Variants in ARHGEF10 observed in about 807,000 individuals in gnomAD.
ARHGEF10 encodes the protein Rho guanine nucleotide exchange factor (GEF) 10.
In ARHGEF10, 140 loss-of-function variants were observed where a neutral mutation model predicts 147.4. The observed-to-expected ratio is 0.95, with a 90% confidence interval of 0.83 to 1.09. The LOEUF is 1.09. Ranked by LOEUF, ARHGEF10 falls within the 50% of genes least tolerant of loss-of-function variation. ARHGEF10 has a pLI of 0.00. For missense variants in ARHGEF10, 2,222 were observed against 1,752.7 expected (o/e 1.27, Z -4.78); for synonymous variants, 902 against 695.8 (o/e 1.30, Z -4.67).
chr8:1,866,642 G>T, intron 6 of ARHGEF10, 40 bp downstream of exon 6: 1 of 1,583,500 alleles, frequency 6.3e-7, no homozygotes. Flanking sequence ...TCCTCACCAC[G>T]CTCCACAGAC....
intron 1 of ARHGEF10, among the ~76,000 whole-genome samples, chr8:1,828,301 G>T (rs1802887789): frequency 1.3e-5 from 2 of 152,274 alleles, no homozygotes; most frequent in Admixed American, 1.3e-4. Flanking sequence ...TGTTGTGGAA[G>T]AGCAGTGCCT....
At chr8:1,872,814 C>T (rs1157238065) in intron 7 of ARHGEF10, among the ~76,000 whole-genome samples, 1 of 152,174 alleles carries the variant, frequency 6.6e-6, no homozygotes, top group Non-Finnish European at 1.5e-5. Context: ...TGGGCAGTTA[C>T]ATACCGAATA....
intron 5 of ARHGEF10, 50 bp from the exon 6 acceptor site, chr8:1,866,476 G>A (rs751800611): frequency 6.4e-7 from 1 of 1,570,114 alleles, no homozygotes; most frequent in Non-Finnish European, 8.8e-7. Context: ...GCATCCTAGT[G>A]ACTTGGGCTG....
At chr8:1,861,419 G>C (rs1235215013) in intron 4 of ARHGEF10, among the ~76,000 whole-genome samples, 1 of 152,226 alleles carries the variant, frequency 6.6e-6, no homozygotes, top group African/African-American at 2.4e-5. Context: ...TCTGTCTTCA[G>C]GAGCGACCCA....
rs1198618915 is a variant in ARHGEF10 at position 1,878,465 on chromosome 8, A to T, written c.844-1583A>T. Among the ~76,000 whole-genome samples, 3 of 152,196 alleles carry T rather than the reference A, an allele frequency of 2.0e-5. No individual in the cohort carries two copies. In the East Asian group the frequency reaches 5.8e-4, roughly 29 times the overall value. Reference sequence around the variant, plus strand: ...CCTCCAAAGTGCTGGGATTACAGGCATGAGCCACTGCACCCGGCCTGCAAT... The same window carrying T: ...CCTCCAAAGTGCTGGGATTACAGGCTTGAGCCACTGCACCCGGCCTGCAAT... On this transcript the variant is annotated intron_variant, in intron 8 of 28. Transcript: ENST00000349830.
At chr8:1,898,569 G>T (rs773080253) in intron 15 of ARHGEF10, 44 bp downstream of exon 15, 15 of 1,577,008 alleles carry the variant, frequency 9.5e-6, no homozygotes, top group Non-Finnish European at 1.3e-5. Context: ...CCTCTGGCTC[G>T]CCCATGACTC....
chr8:1,943,025 C>T (rs1814236537), intron 26 of ARHGEF10, among the ~76,000 whole-genome samples: 1 of 152,158 alleles, frequency 6.6e-6, no homozygotes, highest in African/African-American at 2.4e-5. Flanking sequence ...GAATTGCGCC[C>T]TATAGAAGGG....
In ARHGEF10 at chr8:1,909,435, C is replaced by T. The variant is rs752509122; in HGVS notation, c.2108C>T (p.Pro703Leu). ...AGCAGGCACCTTGCCGTTCACCCGCCGGAGAGCCTGGCCGTGGTTGCTAAC... is the reference window on the plus strand; with the variant it reads ...AGCAGGCACCTTGCCGTTCACCCGCTGGAGAGCCTGGCCGTGGTTGCTAAC... Reference protein sequence around the residue: ...EHSRHLAVHPPESLAVVANAK... With the variant: ...EHSRHLAVHPLESLAVVANAK... Residue 703 changes from proline (P) to leucine (L), a missense_variant, in exon 18 of 29, where the codon CCG becomes CTG. Coordinates refer to ENST00000349830, the MANE Select transcript of ARHGEF10 (RefSeq NM_014629.4). 3.8e-5 allele frequency: 62 copies of T among 1,613,988 alleles called. No homozygotes were observed. The highest frequency in any genetic ancestry group is 1.0e-4 in the Admixed American group (6 of 60,002).
intron 13 of ARHGEF10, among the ~76,000 whole-genome samples, chr8:1,895,475 T>C (rs558771103): frequency 1.8e-4 from 27 of 152,210 alleles, no homozygotes; most frequent in Non-Finnish European, 3.4e-4. Context: ...TGAATAAATA[T>C]GGAAACAAAA....
intron 25 of ARHGEF10, 86 bp downstream of exon 25, chr8:1,929,529 C>T (rs1812948772): frequency 2.0e-6 from 3 of 1,478,424 alleles, no homozygotes; most frequent in Middle Eastern, 2.6e-4. Flanking sequence ...CACCTCCCCA[C>T]CGGCCTCCTG....
chr8:1,927,692 A>G (rs1563297481), intron 23 of ARHGEF10, among the ~76,000 whole-genome samples: 1 of 152,174 alleles, frequency 6.6e-6, no homozygotes, highest in Non-Finnish European at 1.5e-5. Context: ...AGGCGGGTGG[A>G]TCACAAGGTC....
Position 1,874,424 on chromosome 8 carries a change from C to T in ARHGEF10, c.680-2147C>T, listed in dbSNP as rs145754872. ...GTGCGGAATACAGAAAATGCAGCTC[C>T]AGCTCTCAAAGGGCTGAAAATCTAA... On this transcript the variant is annotated intron_variant, in intron 7 of 28. Coordinates refer to ENST00000349830, the MANE Select transcript of ARHGEF10 (RefSeq NM_014629.4). Among the ~76,000 whole-genome samples the T allele has an allele frequency of 3.0e-3, 453 of 152,288 alleles. 3 individuals are homozygous for T. Among genetic ancestry groups the T allele is most frequent in the African/African-American group, 0.01 (421 of 41,554 alleles).
At chr8:1,878,164 A>G (rs1001842428) in intron 8 of ARHGEF10, among the ~76,000 whole-genome samples, 1 of 150,672 alleles carries the variant, frequency 6.6e-6, no homozygotes, top group Non-Finnish European at 1.5e-5. Flanking sequence ...GATTTAAACA[A>G]CCGATGAAGC....
chr8:1,893,961 C>G (rs1809758288), intron 12 of ARHGEF10, among the ~76,000 whole-genome samples: 1 of 152,002 alleles, frequency 6.6e-6, no homozygotes, highest in African/African-American at 2.4e-5. Context: ...ATTGCCTGAG[C>G]TCAGGAGTTC....
rs1339058464 is a variant in ARHGEF10 at position 1,832,186 on chromosome 8, T to C, written c.-48+8073T>C. On this transcript the variant is annotated intron_variant, in intron 1 of 28. Coordinates refer to ENST00000349830, the MANE Select transcript of ARHGEF10 (RefSeq NM_014629.4). ...ATCACCACGCTGCTCCAAGGGAGTC[T>C]CCCAAGGGCTCCAAGGGATGGAGCG... 6.6e-5 allele frequency among the ~76,000 whole-genome samples: 10 copies of C among 152,104 alleles called. No homozygotes were observed. In the South Asian group the frequency reaches 1.5e-3, roughly 22 times the overall value.
At chr8:1,920,782 T>G (rs975808609) in intron 18 of ARHGEF10, among the ~76,000 whole-genome samples, 3 of 124,582 alleles carry the variant, frequency 2.4e-5, no homozygotes, top group Non-Finnish European at 5.8e-5. Context: ...TGCTCTTTCG[T>G]TTTTTTTTGT....
chr8:1,915,088 A>T (rs969567723), intron 18 of ARHGEF10, among the ~76,000 whole-genome samples: 2 of 152,194 alleles, frequency 1.3e-5, no homozygotes, highest in African/African-American at 2.4e-5. Flanking sequence ...CTGTGTGCTC[A>T]TGCGGCGTGT....
intron 22 of ARHGEF10, 118 bp from the exon 23 acceptor site, chr8:1,926,259 G>A: frequency 2.4e-6 from 2 of 848,884 alleles, no homozygotes; most frequent in South Asian, 1.4e-5. Flanking sequence ...GGTAGGTAAT[G>A]AACCTGTAAT....
At chr8:1,919,134 G>C (rs576173945) in intron 18 of ARHGEF10, among the ~76,000 whole-genome samples, 10 of 148,266 alleles carry the variant, frequency 6.7e-5, no homozygotes, top group African/African-American at 2.5e-4. Context: ...TGATGGAGCT[G>C]TTCCATGGGT....
Sources: gnomAD v4.1 joint callset for allele counts (sites outside exome capture counted in the v4.1 genomes callset) on GRCh38, gnomAD v4.1.1 for gene constraint, MANE v1.5 for transcripts, NCBI Gene and HGNC (gene_info 2026-07-23, HGNC 2026-07-21) for gene names.